The following CNTNAP5 variants were observed in gnomAD, a reference collection of about 807,000 sequenced individuals.
CNTNAP5 encodes contactin associated protein family member 5.
In CNTNAP5, 72 loss-of-function variants were observed where a neutral mutation model predicts 150.2. The ratio of observed to expected loss-of-function variants is 0.48; its 90% confidence interval spans 0.40 to 0.58. The LOEUF (loss-of-function observed/expected upper bound fraction) is 0.58. Ranked by LOEUF, CNTNAP5 falls within the 20% of genes least tolerant of loss-of-function variation. The pLI is 0.00. For missense variants in CNTNAP5, 1,636 were observed against 1,626.2 expected, an observed-to-expected ratio of 1.01 and a Z score of -0.10; for synonymous variants, 672 against 619.8, an observed-to-expected ratio of 1.08 and a Z score of -1.25.
At chr2:124,065,874 G>T (rs994140627) in intron 1 of CNTNAP5, among the ~76,000 whole-genome samples, 6 of 152,152 alleles carry the variant, frequency 3.9e-5, no homozygotes, top group African/African-American at 1.4e-4. Context: ...GTTAGTCTCC[G>T]TCTGGAGGTT....
At chr2:124,791,261 T>G (rs764973973) in intron 18 of CNTNAP5, among the ~76,000 whole-genome samples, 1 of 152,232 alleles carries the variant, frequency 6.6e-6, no homozygotes, top group Non-Finnish European at 1.5e-5. Flanking sequence ...TACAGGGGCC[T>G]TCTCCTGAAT....
At chr2:124,814,513 C>T (rs1246325772) in intron 19 of CNTNAP5, among the ~76,000 whole-genome samples, 1 of 151,974 alleles carries the variant, frequency 6.6e-6, no homozygotes, top group Non-Finnish European at 1.5e-5. Context: ...GCGATAAATA[C>T]TCCACCATTG....
chr2:124,550,618 A>T (rs1430384024), intron 10 of CNTNAP5, among the ~76,000 whole-genome samples: 1 of 152,152 alleles, frequency 6.6e-6, no homozygotes. Context: ...GCTTCCTAGT[A>T]GATGTGAGGT....
intron 21 of CNTNAP5, among the ~76,000 whole-genome samples, chr2:124,895,505 A>G (rs1678285426): frequency 6.6e-6 from 1 of 151,540 alleles, no homozygotes; most frequent in African/African-American, 2.4e-5. Flanking sequence ...ATGTGCCTGT[A>G]GTCCCTGACA....
At chr2:124,792,050 T>A (rs1573620356) in intron 18 of CNTNAP5, among the ~76,000 whole-genome samples, 1 of 152,150 alleles carries the variant, frequency 6.6e-6, no homozygotes, top group African/African-American at 2.4e-5. Flanking sequence ...TACAAGATGG[T>A]TCTGAACAGA....
intron 4 of CNTNAP5, among the ~76,000 whole-genome samples, chr2:124,420,162 C>T (rs773576652): frequency 4.0e-5 from 6 of 151,020 alleles, no homozygotes; most frequent in Admixed American, 6.6e-5. Flanking sequence ...GGCTAATTTT[C>T]GTATCTTTAG....
chr2:124,027,408 A>G (rs938446624), intron 1 of CNTNAP5, among the ~76,000 whole-genome samples: 1 of 152,208 alleles, frequency 6.6e-6, no homozygotes, highest in Non-Finnish European at 1.5e-5. Flanking sequence ...AAGAGTGAAT[A>G]CTTTGAAAAG....
intron 13 of CNTNAP5, among the ~76,000 whole-genome samples, chr2:124,700,428 T>C (rs956484075): frequency 6.9e-6 from 1 of 144,418 alleles, no homozygotes; most frequent in East Asian, 1.9e-4. Flanking sequence ...TTTTTAAGAA[T>C]CACCAAACTT....
At chr2:124,877,811 C>T (rs7564586) in intron 21 of CNTNAP5, among the ~76,000 whole-genome samples, 4,969 of 152,082 alleles carry the variant, frequency 0.033, 274 homozygotes, top group African/African-American at 0.11. Context: ...ATATTTATAG[C>T]ATGCTAATAC....
rs137962023 is a variant in CNTNAP5 at position 124,621,153 on chromosome 2, C to G, written c.1876+11233C>G. On this transcript the variant is annotated intron_variant, in intron 12 of 23. Coordinates refer to ENST00000682447, the MANE Select transcript of CNTNAP5 (RefSeq NM_001367498.1). Reference sequence around the variant, plus strand: ...CCTTTTTTAATGTTAACAGGACACACTGTCAATGTGTTAAAAGATATTTCT... The same window carrying G: ...CCTTTTTTAATGTTAACAGGACACAGTGTCAATGTGTTAAAAGATATTTCT... Among the ~76,000 whole-genome samples the G allele has an allele frequency of 7.7e-4, 117 of 152,276 alleles. 2 individuals carry two copies. In the East Asian group the frequency reaches 0.02, roughly 26 times the overall value.
intron 14 of CNTNAP5, among the ~76,000 whole-genome samples, chr2:124,747,617 T>A (rs796203584): frequency 2.2e-5 from 1 of 44,998 alleles, no homozygotes; most frequent in Non-Finnish European, 7.5e-5. Flanking sequence ...GCTTCTTCTT[T>A]TTTTTTTTTT....
chr2:124,707,963 A>G (rs756550791), intron 13 of CNTNAP5, among the ~76,000 whole-genome samples: 2 of 152,220 alleles, frequency 1.3e-5, no homozygotes, highest in Non-Finnish European at 1.5e-5. Context: ...ATCACTATCA[A>G]TGATGTAACA....
intron 12 of CNTNAP5, among the ~76,000 whole-genome samples, chr2:124,633,885 G>A (rs973782630): frequency 6.6e-6 from 1 of 152,168 alleles, no homozygotes; most frequent in Non-Finnish European, 1.5e-5. Context: ...AGCAGCTCAA[G>A]CTATATCTGG....
chr2:124,405,196 C>T (rs184295226), intron 3 of CNTNAP5, among the ~76,000 whole-genome samples: 6 of 152,016 alleles, frequency 3.9e-5, no homozygotes, highest in South Asian at 2.1e-4. Context: ...CCTCATGAGG[C>T]GGCGAGACTA....
At chr2:124,518,696 T>C (rs1362192176) in intron 8 of CNTNAP5, among the ~76,000 whole-genome samples, 1 of 152,022 alleles carries the variant, frequency 6.6e-6, no homozygotes, top group Non-Finnish European at 1.5e-5. Flanking sequence ...CATAAAAACA[T>C]ACTTAATTGA....
At chr2:124,149,696 T>C (rs1684356690) in intron 1 of CNTNAP5, among the ~76,000 whole-genome samples, 1 of 152,206 alleles carries the variant, frequency 6.6e-6, no homozygotes. Flanking sequence ...CGAGTGAGAA[T>C]AGCAACAGTC....
At chr2:124,104,236 T>C (rs2104699502) in intron 1 of CNTNAP5, among the ~76,000 whole-genome samples, 1 of 152,202 alleles carries the variant, frequency 6.6e-6, no homozygotes, top group Admixed American at 6.5e-5. Context: ...ACTCCATGTA[T>C]GTATCACACA....
At chr2:124,240,941 C>T (rs1686870840) in intron 2 of CNTNAP5, among the ~76,000 whole-genome samples, 2 of 152,238 alleles carry the variant, frequency 1.3e-5, no homozygotes, top group African/African-American at 4.8e-5. Flanking sequence ...AGAAAGTAGA[C>T]TGAAACATCG....
At chr2:124,175,144 AC>A (rs1317053536) in intron 1 of CNTNAP5, among the ~76,000 whole-genome samples, 3 of 152,180 alleles carry the variant, frequency 2.0e-5, no homozygotes, top group Non-Finnish European at 4.4e-5. Flanking sequence ...TATTTGCTTT[AC>A]TTAAATGGTC....
Sources: gnomAD v4.1 joint callset for allele counts (sites outside exome capture counted in the v4.1 genomes callset) on GRCh38, gnomAD v4.1.1 for gene constraint, MANE v1.5 for transcripts, NCBI Gene and HGNC (gene_info 2026-07-23, HGNC 2026-07-21) for gene names.